Variants in RSRC1 observed in about 807,000 individuals in gnomAD.
RSRC1 encodes arginine and serine rich coiled-coil 1.
In RSRC1, 39 loss-of-function variants were observed where a neutral mutation model predicts 49.1. The ratio of observed to expected loss-of-function variants is 0.79; its 90% CI spans 0.61 to 1.04. RSRC1 has a LOEUF of 1.04. Ranked by LOEUF, RSRC1 falls within the 50% of genes least tolerant of loss-of-function variation. RSRC1 has a pLI of 0.00. For synonymous variants in RSRC1, 143 were observed against 130.8 expected (o/e 1.09, Z -0.63); for missense variants, 388 against 402.4 (o/e 0.96, Z 0.31).
intron 3 of RSRC1, among the ~76,000 whole-genome samples, chr3:158,137,745 C>T (rs1021567895): frequency 1.3e-5 from 2 of 151,708 alleles, no homozygotes; most frequent in Admixed American, 1.3e-4. Context: ...CCTCCGCCTC[C>T]TGGGTTGAAG....
intron 3 of RSRC1, among the ~76,000 whole-genome samples, chr3:158,172,000 T>G (rs1718908746): frequency 6.6e-6 from 1 of 151,702 alleles, no homozygotes. Context: ...ATAAATGAAA[T>G]AATTCAATCT....
At chr3:158,116,893 C>T (rs114221618) in intron 1 of RSRC1, among the ~76,000 whole-genome samples, 2,365 of 151,940 alleles carry the variant, frequency 0.016, 83 homozygotes, top group African/African-American at 0.054. Context: ...TTCGTATCTT[C>T]AGTATAAGAT....
At chr3:158,401,411 T>C (rs1362651312) in intron 6 of RSRC1, among the ~76,000 whole-genome samples, 2 of 152,054 alleles carry the variant, frequency 1.3e-5, no homozygotes, top group Non-Finnish European at 2.9e-5. Context: ...ATTTATTTCT[T>C]TGTTTATTTA....
chr3:158,514,354 C>G (rs961574306), intron 7 of RSRC1, among the ~76,000 whole-genome samples: 1 of 152,124 alleles, frequency 6.6e-6, no homozygotes, highest in African/African-American at 2.4e-5. Flanking sequence ...ATCTTTATTT[C>G]TGCCTTCATT....
intron 4 of RSRC1, among the ~76,000 whole-genome samples, chr3:158,221,822 G>C (rs1722235215): frequency 6.6e-6 from 1 of 151,456 alleles, no homozygotes; most frequent in Non-Finnish European, 1.5e-5. Flanking sequence ...CCAGTCCAGA[G>C]TCTTCATACT....
intron 6 of RSRC1, among the ~76,000 whole-genome samples, chr3:158,430,115 A>G (rs1368390377): frequency 1.3e-5 from 2 of 149,380 alleles, no homozygotes; most frequent in Non-Finnish European, 3.0e-5. Flanking sequence ...ATAACCAGGA[A>G]ATTTCTGTTT....
intron 3 of RSRC1, among the ~76,000 whole-genome samples, chr3:158,170,457 G>A (rs949670614): frequency 2.6e-5 from 4 of 151,990 alleles, no homozygotes; most frequent in Non-Finnish European, 4.4e-5. Context: ...TGAAAAGATC[G>A]AATAAATCCA....
chr3:158,481,182 A>C (rs1490738081), intron 7 of RSRC1, among the ~76,000 whole-genome samples: 4 of 152,000 alleles, frequency 2.6e-5, no homozygotes, highest in African/African-American at 9.7e-5. Flanking sequence ...CTTAATTGGC[A>C]TAGATTGTTC....
intron 5 of RSRC1, among the ~76,000 whole-genome samples, chr3:158,301,061 T>C (rs534340883): frequency 6.6e-6 from 1 of 152,282 alleles, no homozygotes; most frequent in South Asian, 2.1e-4. Flanking sequence ...CTTAGACCAC[T>C]GATTCAGCCT....
At chr3:158,225,777 G>A in intron 4 of RSRC1, 1 of 413,312 alleles carries the variant, frequency 2.4e-6, no homozygotes, top group Non-Finnish European at 4.7e-6. Flanking sequence ...TTTACATTCA[G>A]TAGAACATTA....
chr3:158,122,294 A>G lies in RSRC1; in HGVS notation c.190A>G (p.Arg64Gly), dbSNP rs1298324339. Reference protein sequence around the residue: ...DLQPRSHSYDRRRRHRSSSSS... With the variant: ...DLQPRSHSYDGRRRHRSSSSS... ...TCAGCCTCGTTCACATTCTTATGAT[A>G]GAAGGTGATTTTTGTAATTTTTATT... The change falls in exon 2 of 10, where the codon AGA (arginine) becomes GGA (glycine). Residue 64 changes from arginine (R) to glycine (G), a missense_variant. Physicochemically the swap from Arg to Gly is moderately radical, Grantham distance 125 (BLOSUM62 -2). Transcript: ENST00000611884. The G allele has an allele frequency of 7.1e-6, 11 of 1,558,248 alleles. No individual in the cohort carries two copies. The highest frequency in any genetic ancestry group is 6.1e-6 in the Non-Finnish European group (7 of 1,155,812).
rs556640103 is a variant in RSRC1 at position 158,354,998 on chromosome 3, A to C, written c.583+90A>C. The C allele has an allele frequency of 4.4e-3, 3,130 of 707,044 alleles. 23 individuals carry two copies. The highest frequency in any genetic ancestry group is 0.016 in the South Asian group (666 of 42,068). The allele number at this position is 707,044 out of a possible 1,614,324, so 43.8% of individuals were successfully genotyped here. On this transcript the variant is annotated intron_variant, in intron 6 of 9. Coordinates refer to ENST00000611884, the MANE Select transcript of RSRC1 (RefSeq NM_001271838.2). ...TGCTTAGAAATGAGTAAAAAAAAAAACACTATTTTTATATATCCTCACAAA... is the reference window on the plus strand; with the variant it reads ...TGCTTAGAAATGAGTAAAAAAAAAACCACTATTTTTATATATCCTCACAAA...
chr3:158,543,749 C>T (rs1197654274), intron 9 of RSRC1: 6 of 259,138 alleles, frequency 2.3e-5, no homozygotes, highest in Admixed American at 5.5e-5. Context: ...GCATTTTTTC[C>T]TTTTTTTTTT....
intron 7 of RSRC1, among the ~76,000 whole-genome samples, chr3:158,500,313 G>A (rs1055583204): frequency 3.3e-5 from 5 of 152,066 alleles, no homozygotes; most frequent in Non-Finnish European, 7.4e-5. Flanking sequence ...CAAGGATATC[G>A]GTCTGTAGTG....
chr3:158,199,802 C>G (rs377363231), intron 3 of RSRC1, among the ~76,000 whole-genome samples: 6 of 152,164 alleles, frequency 3.9e-5, no homozygotes, highest in Admixed American at 1.3e-4. Context: ...TATTTGGTTT[C>G]CATATATCTG....
intron 5 of RSRC1, among the ~76,000 whole-genome samples, chr3:158,298,823 A>G (rs1254845716): frequency 6.6e-6 from 1 of 152,172 alleles, no homozygotes; most frequent in East Asian, 1.9e-4. Flanking sequence ...TCTTTTGTAA[A>G]TACAGTCTAA....
At chr3:158,288,769 T>C (rs1726730503) in intron 4 of RSRC1, among the ~76,000 whole-genome samples, 1 of 150,978 alleles carries the variant, frequency 6.6e-6, no homozygotes, top group African/African-American at 2.5e-5. Flanking sequence ...TGTTTTACAG[T>C]ATTGTTTAGG....
intron 4 of RSRC1, chr3:158,225,803 A>C (rs1320987385): frequency 2.6e-6 from 1 of 387,604 alleles, no homozygotes; most frequent in Non-Finnish European, 5.0e-6. Context: ...CTTTAAAATA[A>C]GGACTACTTG....
intron 6 of RSRC1, among the ~76,000 whole-genome samples, chr3:158,377,460 G>A (rs540321020): frequency 3.3e-5 from 5 of 151,908 alleles, no homozygotes; most frequent in African/African-American, 9.7e-5. Flanking sequence ...CTCTGAGTTC[G>A]CATGAGATTT....
Sources: allele counts gnomAD v4.1 joint callset (sites outside exome capture counted in the v4.1 genomes callset), GRCh38; gene constraint gnomAD v4.1.1; transcripts MANE v1.5; gene names NCBI Gene and HGNC (gene_info 2026-07-23, HGNC 2026-07-21).